CEP112: variants seen among roughly 807,000 people sequenced by gnomAD.
The protein encoded by CEP112 is centrosomal protein of 112 kDa.
A neutral mutation model predicts 153.0 loss-of-function variants in CEP112; 127 were observed. The ratio of observed to expected loss-of-function variants is 0.83; its 90% CI spans 0.72 to 0.96. CEP112 has a LOEUF of 0.96. Among genes scored for constraint, CEP112 ranks in the 40% least tolerant of loss-of-function variants. CEP112 has a pLI of 0.00. For missense variants in CEP112, 1,089 were observed against 1,101.2 expected, an observed-to-expected ratio of 0.99 and a Z score of 0.16; for synonymous variants, 358 against 374.4, an observed-to-expected ratio of 0.96 and a Z score of 0.51.
intron 4 of CEP112, among the ~76,000 whole-genome samples, chr17:66,155,253 G>A (rs915089735): frequency 2.3e-4 from 35 of 152,156 alleles, no homozygotes; most frequent in African/African-American, 7.5e-4. Context: ...AGCCGAAGCA[G>A]GGTGGGGTGA....
chr17:66,137,929 A>G (rs577203898), intron 4 of CEP112, among the ~76,000 whole-genome samples: 9 of 152,330 alleles, frequency 5.9e-5, no homozygotes, highest in African/African-American at 1.9e-4. Context: ...CTATTGATAT[A>G]ATAGTGGTGC....
intron 8 of CEP112, among the ~76,000 whole-genome samples, chr17:66,085,678 G>A (rs2067894791): frequency 6.6e-6 from 1 of 152,134 alleles, no homozygotes; most frequent in African/African-American, 2.4e-5. Flanking sequence ...ATATATGTCA[G>A]TCAAAAAGCA....
intron 17 of CEP112, among the ~76,000 whole-genome samples, chr17:65,972,999 C>T (rs2062902478): frequency 6.6e-6 from 1 of 152,220 alleles, no homozygotes; most frequent in South Asian, 2.1e-4. Flanking sequence ...CTCCTGACCT[C>T]AGGTGATCTG....
At chr17:66,037,067 G>A (rs2065769355) in intron 12 of CEP112, among the ~76,000 whole-genome samples, 1 of 152,026 alleles carries the variant, frequency 6.6e-6, no homozygotes, top group South Asian at 2.1e-4. Context: ...GCTCATTCCA[G>A]GAGAAATGAG....
intron 21 of CEP112, among the ~76,000 whole-genome samples, chr17:65,755,383 C>G (rs1225011055): frequency 6.6e-6 from 1 of 152,182 alleles, no homozygotes; most frequent in East Asian, 1.9e-4. Context: ...AGGGGGAAAT[C>G]TGCCCCTATG....
At chr17:66,175,450 T>C (rs1003341702) in intron 3 of CEP112, among the ~76,000 whole-genome samples, 1 of 152,166 alleles carries the variant, frequency 6.6e-6, no homozygotes, top group African/African-American at 2.4e-5. Flanking sequence ...TAAACAGAAG[T>C]ACATAACAGA....
intron 20 of CEP112, among the ~76,000 whole-genome samples, chr17:65,875,494 C>T (rs903531412): frequency 2.0e-5 from 3 of 152,054 alleles, no homozygotes; most frequent in East Asian, 3.9e-4. Context: ...AATACCTTTA[C>T]GTACTTCATA....
intron 18 of CEP112, among the ~76,000 whole-genome samples, chr17:65,942,332 C>T (rs1422925584): frequency 6.6e-6 from 1 of 152,200 alleles, no homozygotes; most frequent in Non-Finnish European, 1.5e-5. Context: ...GAAAAGCTGT[C>T]TTCCAGAAAA....
intron 21 of CEP112, among the ~76,000 whole-genome samples, chr17:65,799,992 G>C (rs189643127): frequency 6.6e-6 from 1 of 152,078 alleles, no homozygotes; most frequent in East Asian, 1.9e-4. Context: ...ATAATTCCTC[G>C]GAAACTAAGA....
At chr17:65,653,661 T>A (rs1432401593) in intron 24 of CEP112, among the ~76,000 whole-genome samples, 3 of 152,168 alleles carry the variant, frequency 2.0e-5, no homozygotes, top group Non-Finnish European at 4.4e-5. Flanking sequence ...AGGGATCAGA[T>A]GTAACATAAA....
intron 21 of CEP112, among the ~76,000 whole-genome samples, chr17:65,797,858 T>C (rs1296422767): frequency 6.6e-6 from 1 of 152,194 alleles, no homozygotes; most frequent in Non-Finnish European, 1.5e-5. Flanking sequence ...TCATATTTAA[T>C]CTTGTTCTTG....
intron 21 of CEP112, among the ~76,000 whole-genome samples, chr17:65,820,824 G>A (rs375514466): frequency 2.2e-4 from 34 of 152,088 alleles, no homozygotes; most frequent in East Asian, 5.8e-4. Context: ...TTAGAATTCC[G>A]CATTCAATAT....
chr17:66,110,488 T>C (rs2068980092), intron 6 of CEP112, among the ~76,000 whole-genome samples: 1 of 151,996 alleles, frequency 6.6e-6, no homozygotes, highest in South Asian at 2.1e-4. Flanking sequence ...TTGCCAATTT[T>C]TGAGAAAAGA....
At chr17:65,646,640 A>G (rs1389146874) in intron 24 of CEP112, among the ~76,000 whole-genome samples, 1 of 152,218 alleles carries the variant, frequency 6.6e-6, no homozygotes, top group African/African-American at 2.4e-5. Context: ...GAACTCAGGT[A>G]GTCTGACTCT....
intron 12 of CEP112, among the ~76,000 whole-genome samples, chr17:66,032,429 T>C (rs939507349): frequency 1.3e-5 from 2 of 151,938 alleles, no homozygotes; most frequent in African/African-American, 2.4e-5. Context: ...AAATAGATTG[T>C]CCAAGGAGGA....
chr17:65,769,656 C>A (rs1322936692), intron 21 of CEP112, among the ~76,000 whole-genome samples: 2 of 151,994 alleles, frequency 1.3e-5, no homozygotes, highest in Admixed American at 1.3e-4. Flanking sequence ...CAAGAAAACA[C>A]AGTGAGGAAA....
intron 20 of CEP112, among the ~76,000 whole-genome samples, chr17:65,889,818 TC>T (rs1254725574): frequency 6.6e-6 from 1 of 152,022 alleles, no homozygotes; most frequent in African/African-American, 2.4e-5. Context: ...ACATCAACTT[TC>T]CCCATTGTCA....
chr17:66,166,085 T>C (rs1310181260), intron 4 of CEP112, among the ~76,000 whole-genome samples: 4 of 152,166 alleles, frequency 2.6e-5, no homozygotes, highest in Admixed American at 6.5e-5. Context: ...AAAAGATAAA[T>C]ATAATTTATA....
chr17:65,728,534 C>A (rs1215663293), intron 23 of CEP112, among the ~76,000 whole-genome samples: 2 of 152,054 alleles, frequency 1.3e-5, no homozygotes, highest in Admixed American at 6.6e-5. Flanking sequence ...TCATCAAGGA[C>A]ATGGGAGAAA....
Sources: gnomAD v4.1 joint callset for allele counts (sites outside exome capture counted in the v4.1 genomes callset) on GRCh38, gnomAD v4.1.1 for gene constraint, MANE v1.5 for transcripts, NCBI Gene and HGNC (gene_info 2026-07-23, HGNC 2026-07-21) for gene names.